TAX1BP1: variants seen among roughly 807,000 people sequenced by gnomAD.
TAX1BP1 encodes Tax1 binding protein 1, also known as tax1-binding protein 1.
TAX1BP1 carries 62 observed loss-of-function variants against 97.7 expected under a neutral mutation model. The observed-to-expected ratio is 0.63, with a 90% CI of 0.52 to 0.78. The LOEUF (loss-of-function observed/expected upper bound fraction) is 0.78. TAX1BP1 is among the 30% of genes least tolerant of loss of function. TAX1BP1 has a pLI of 0.00. For missense variants in TAX1BP1, 867 were observed against 916.1 expected (o/e 0.95, Z 0.69); for synonymous variants, 340 against 304.2 (o/e 1.12, Z -1.23).
At position 27,785,438 on chromosome 7, in the gene TAX1BP1, A is replaced by G; in HGVS notation, c.801A>G (p.Glu267=). ...DKLKKAQHER[E]QLECQLKTEK... ...TCAAGAAGGCACAACATGAAAGAGA[A>G]CAACTTGAATGTCAGTTGAAGACAG... The change falls in exon 7 of 17, where the codon GAA becomes GAG. Residue 267 remains glutamate, a synonymous_variant. Transcript: ENST00000396319. 2 of 1,613,720 alleles carry G rather than the reference A, an allele frequency of 1.2e-6. No individual in the cohort carries two copies. Among genetic ancestry groups the G allele is most frequent in the Non-Finnish European group, 1.7e-6 (2 of 1,179,900 alleles).
Position 27,800,081 on chromosome 7 carries a change from CA to C in TAX1BP1, c.1757del (p.Asn586IlefsTer9), listed in dbSNP as rs770895004. On this transcript the variant is annotated frameshift_variant, in exon 13 of 17. Coordinates refer to ENST00000396319, the MANE Select transcript of TAX1BP1 (RefSeq NM_006024.7). LOFTEE classifies it high-confidence loss of function. ...VKLELAEVQD[N>X]YKELKRSLEN... ...AACTTGAACTAGCTGAAGTACAGGA[CA>C]ATTATAAAGTAAGTTTGGTACTCCT... 6.3e-7 allele frequency: 1 copy of C among 1,574,902 alleles called. No homozygotes were observed. The highest frequency in any genetic ancestry group is 8.6e-7 in the Non-Finnish European group (1 of 1,161,712).
intron 13 of TAX1BP1, among the ~76,000 whole-genome samples, chr7:27,813,245 G>A (rs549398274): frequency 4.1e-5 from 6 of 146,306 alleles, no homozygotes; most frequent in African/African-American, 1.5e-4. Flanking sequence ...CCTTGACCTC[G>A]ACCTCTTGGG....
chr7:27,782,983 C>T (rs184098761), intron 5 of TAX1BP1, among the ~76,000 whole-genome samples: 6 of 152,050 alleles, frequency 3.9e-5, no homozygotes, highest in South Asian at 2.1e-4. Flanking sequence ...ATCTTTTTAT[C>T]GGGTTATTCA....
chr7:27,759,403 A>G (rs1314938796), intron 3 of TAX1BP1, among the ~76,000 whole-genome samples: 1 of 152,274 alleles, frequency 6.6e-6, no homozygotes, highest in South Asian at 2.1e-4. Context: ...GTTAGTGACA[A>G]AAATCACAAA....
rs372041652 is a variant in TAX1BP1, at chr7:27,819,976, G to A, written c.2085+2938G>A. Among the ~76,000 whole-genome samples the A allele has an allele frequency of 6.6e-5, 10 of 152,280 alleles. No homozygotes were observed. The East Asian group carries it at 1.2e-3, about 18-fold the overall frequency. ...AGTGGTTTGTAGACCAGCAGTAGTG[G>A]TATCTCCTAGGAGTATGTTGGAAAT... On this transcript the variant is annotated intron_variant, in intron 15 of 16. Transcript: ENST00000396319.
intron 15 of TAX1BP1, among the ~76,000 whole-genome samples, chr7:27,822,856 G>T (rs532431130): frequency 6.6e-6 from 1 of 152,174 alleles, no homozygotes; most frequent in Admixed American, 6.5e-5. Context: ...AGAAACCATG[G>T]TCTCTCCAAG....
At chr7:27,798,239 G>T (rs118118197) in intron 12 of TAX1BP1, among the ~76,000 whole-genome samples, 3,312 of 151,236 alleles carry the variant, frequency 0.022, 58 homozygotes, top group Non-Finnish European at 0.036. Flanking sequence ...GTTGTTTTTC[G>T]GCTGGTACAA....
intron 10 of TAX1BP1, among the ~76,000 whole-genome samples, chr7:27,793,957 G>A (rs1023992014): frequency 3.9e-5 from 6 of 152,214 alleles, no homozygotes; most frequent in Non-Finnish European, 7.4e-5. Flanking sequence ...AGTAAAGTAG[G>A]AAGGCTTTTG....
intron 1 of TAX1BP1, among the ~76,000 whole-genome samples, chr7:27,745,119 A>G (rs1007841418): frequency 1.3e-5 from 2 of 152,190 alleles, no homozygotes; most frequent in Non-Finnish European, 2.9e-5. Context: ...GTAGAGGTGC[A>G]CTTTAGAGAA....
chr7:27,774,230 A>G (rs1385264220), intron 5 of TAX1BP1, among the ~76,000 whole-genome samples: 1 of 152,092 alleles, frequency 6.6e-6, no homozygotes, highest in African/African-American at 2.4e-5. Context: ...TTCTTCTCTA[A>G]AACGTAAAGA....
intron 5 of TAX1BP1, among the ~76,000 whole-genome samples, chr7:27,784,325 G>C (rs1789383460): frequency 6.6e-6 from 1 of 152,056 alleles, no homozygotes. Context: ...TATATACACT[G>C]TTATATTTGA....
chr7:27,805,798 T>C (rs1790314085), intron 13 of TAX1BP1, among the ~76,000 whole-genome samples: 1 of 152,114 alleles, frequency 6.6e-6, no homozygotes, highest in Non-Finnish European at 1.5e-5. Flanking sequence ...ATTGTGCCAC[T>C]ACACTCCAGC....
chr7:27,816,166 A>G (rs1016638696), intron 13 of TAX1BP1, among the ~76,000 whole-genome samples, 183 bp from the exon 14 acceptor site: 1 of 152,238 alleles, frequency 6.6e-6, no homozygotes, highest in Non-Finnish European at 1.5e-5. Flanking sequence ...TGATTTTGTT[A>G]TATGTGGAGG....
intron 15 of TAX1BP1, among the ~76,000 whole-genome samples, chr7:27,819,992 T>C (rs1790913952): frequency 6.6e-6 from 1 of 152,178 alleles, no homozygotes; most frequent in Admixed American, 6.6e-5. Context: ...CCTAGGAGTA[T>C]GTTGGAAATG....
intron 15 of TAX1BP1, among the ~76,000 whole-genome samples, chr7:27,819,250 ATT>A (rs147610409): frequency 0.037 from 5,616 of 152,136 alleles, 315 homozygotes; most frequent in African/African-American, 0.13. Flanking sequence ...CTTCTAACAA[ATT>A]TAGTGACCAT....
upstream of TAX1BP1, chr7:27,739,403 T>A (rs1024834534): frequency 3.3e-5 from 5 of 152,352 alleles, no homozygotes; most frequent in Admixed American, 2.0e-4. Context: ...TGAATTCGAA[T>A]GGGACACATT....
intron 15 of TAX1BP1, among the ~76,000 whole-genome samples, chr7:27,818,058 A>C (rs527338979): frequency 6.6e-6 from 1 of 152,324 alleles, no homozygotes; most frequent in Non-Finnish European, 1.5e-5. Context: ...CTAGAGTATC[A>C]TCTTACTGCT....
chr7:27,764,862 T>C (rs1055748427), intron 3 of TAX1BP1, among the ~76,000 whole-genome samples: 3 of 150,854 alleles, frequency 2.0e-5, no homozygotes, highest in Non-Finnish European at 4.4e-5. Context: ...GTTTCAGCTT[T>C]AGCCATTTGG....
intron 8 of TAX1BP1, among the ~76,000 whole-genome samples, chr7:27,791,478 A>G (rs754999234): frequency 3.3e-5 from 5 of 152,164 alleles, no homozygotes; most frequent in African/African-American, 4.8e-5. Flanking sequence ...TACTATTTGT[A>G]TATCAATATT....
Sources: allele counts gnomAD v4.1 joint callset (sites outside exome capture counted in the v4.1 genomes callset), GRCh38; gene constraint gnomAD v4.1.1; transcripts MANE v1.5; gene names NCBI Gene and HGNC (gene_info 2026-07-23, HGNC 2026-07-21).